The following DNAI1 variants were observed in gnomAD, a reference collection of about 807,000 sequenced individuals.
The protein encoded by DNAI1 is dynein, axonemal, intermediate polypeptide 1.
DNAI1 carries 67 observed loss-of-function variants against 92.0 expected under a neutral mutation model. That is an observed-to-expected ratio of 0.73 (90% confidence interval 0.60 to 0.89). The LOEUF (loss-of-function observed/expected upper bound fraction) is 0.89. DNAI1 is among the 40% of genes least tolerant of loss of function. DNAI1 has a pLI of 0.00. For synonymous variants in DNAI1, 323 were observed against 319.6 expected (o/e 1.01, Z -0.11); for missense variants, 839 against 866.6 (o/e 0.97, Z 0.40).
chr9:34,483,119 C>A (rs1252215630), intron 1 of DNAI1, among the ~76,000 whole-genome samples: 1 of 152,232 alleles, frequency 6.6e-6, no homozygotes, highest in Non-Finnish European at 1.5e-5. Context: ...GCACCGCACT[C>A]AGCCCCGGTT....
chr9:34,492,763 C>A (rs1403819478), intron 8 of DNAI1, among the ~76,000 whole-genome samples: 1 of 151,724 alleles, frequency 6.6e-6, no homozygotes, highest in Non-Finnish European at 1.5e-5. Context: ...TCAAACAATC[C>A]ACCTGCCTCA....
At position 34,491,509 on chromosome 9, in the gene DNAI1, G is replaced by A. The variant is rs758269785; in HGVS notation, c.636G>A (p.Gln212=). 2.6e-5 allele frequency: 42 copies of A among 1,614,100 alleles called. No individual in the cohort carries two copies. Among genetic ancestry groups the A allele is most frequent in the Non-Finnish European group, 3.4e-5 (40 of 1,180,042 alleles). The change falls in exon 8 of 20, where the codon CAG becomes CAA. Residue 212 remains glutamine, a synonymous_variant. Coordinates refer to ENST00000242317, the MANE Select transcript of DNAI1 (RefSeq NM_012144.4). ...TTGTTCTTTAGGATCGAGAATGCCA[G>A]ACGGAGCCTCCTCCCAGGACAAACT... The part of the protein sequence containing the change: ...YNNPVRDREC[Q]TEPPPRTNFS...
rs190178983 is a variant in DNAI1 at position 34,512,784 on chromosome 9, C to T, written c.1490-328C>T. Among the ~76,000 whole-genome samples the T allele has an allele frequency of 1.1e-4, 16 of 152,318 alleles. No homozygotes were observed. In the East Asian group the frequency reaches 2.7e-3, roughly 26 times the overall value. ...AGACTATATCCCTGTTGGCACAGAC[C>T]GTGTCCCTGTTTGCAGACCCTGTCC... On this transcript the variant is annotated intron_variant, in intron 15 of 19. Coordinates refer to ENST00000242317, the MANE Select transcript of DNAI1 (RefSeq NM_012144.4).
rs267602217 is a variant in DNAI1 at position 34,500,830 on chromosome 9, C to T, written c.1010C>T (p.Ala337Val). ...AAAGCCAAGCGCCTGTCCGTCACTGCCCTCTGCTGGTAAGTATAGGCATTG... is the reference window on the plus strand; with the variant it reads ...AAAGCCAAGCGCCTGTCCGTCACTGTCCTCTGCTGGTAAGTATAGGCATTG... ...NDKAKRLSVT[A>V]LCWNPKYRDL... The change falls in exon 11 of 20, where the codon GCC becomes GTC. Residue 337 changes from alanine (A) to valine (V), a missense_variant. Ala to Val is a moderately conservative substitution (Grantham distance 64, BLOSUM62 0). Coordinates refer to ENST00000242317, the MANE Select transcript of DNAI1 (RefSeq NM_012144.4). The T allele has an allele frequency of 1.9e-6, 3 of 1,613,528 alleles. No individual in the cohort carries two copies. Among genetic ancestry groups the T allele is most frequent in the Non-Finnish European group, 2.5e-6 (3 of 1,179,588 alleles).
In DNAI1 at chr9:34,490,324, A is replaced by G. The variant is rs774281231; in HGVS notation, c.502-45A>G. Reference sequence around the variant, plus strand: ...TTGCCCCATCTCCCGGTTTTCTACCACCTTCTCACAGCTGATTCCTGATCC... The same window carrying G: ...TTGCCCCATCTCCCGGTTTTCTACCGCCTTCTCACAGCTGATTCCTGATCC... On this transcript the variant is annotated intron_variant, in intron 6 of 19. Transcript: ENST00000242317. 15 of 1,613,964 alleles carry G rather than the reference A, an allele frequency of 9.3e-6. No individual in the cohort carries two copies. The South Asian group carries it at 1.2e-4, about 13-fold the overall frequency.
Position 34,506,694 on chromosome 9 carries a change from G to A in DNAI1, c.1131G>A (p.Glu377=), listed in dbSNP as rs936989573. The part of the protein sequence containing the change: ...LYSLKNPSFP[E]YMFSSNSGVM... ...GCCTGAAGAACCCCAGCTTCCCTGA[G>A]TACATGTTCAGCAGCAACAGCGGCG... Residue 377 remains glutamate, a synonymous_variant, in exon 13 of 20, where the codon GAG becomes GAA. Coordinates refer to ENST00000242317, the MANE Select transcript of DNAI1 (RefSeq NM_012144.4). 1 of 1,614,234 alleles carries A rather than the reference G, an allele frequency of 6.2e-7. No individual in the cohort carries two copies. Among genetic ancestry groups the A allele is most frequent in the Admixed American group, 1.7e-5 (1 of 60,028 alleles).
chr9:34,460,650 TTATTTTTTATTTTTG>T (rs1281838215), intron 1 of DNAI1, among the ~76,000 whole-genome samples: 193 of 152,194 alleles, frequency 1.3e-3, no homozygotes, highest in African/African-American at 4.3e-3. Flanking sequence ...TTGCTTTTAT[TTATTTTTTATTTTTG>T]TATTTTTTAT....
At chr9:34,488,668 G>A (rs1474807445) in intron 4 of DNAI1, 5 of 156,042 alleles carry the variant, frequency 3.2e-5, no homozygotes, top group Non-Finnish European at 7.1e-5. Context: ...TGAAATAAGG[G>A]ATTGTGTCTA....
rs1317000391 is a variant in DNAI1 at position 34,491,486 on chromosome 9, G to C, written c.622-9G>C. 1 of 1,614,164 alleles carries C rather than the reference G, an allele frequency of 6.2e-7. No individual in the cohort carries two copies. Among genetic ancestry groups the C allele is most frequent in the Non-Finnish European group, 8.5e-7 (1 of 1,180,030 alleles). On this transcript the variant is annotated splice_polypyrimidine_tract_variant and intron_variant, in intron 7 of 19. Coordinates refer to ENST00000242317, the MANE Select transcript of DNAI1 (RefSeq NM_012144.4). ...CTTTTTGTGGGTCTCCTGTTGTCTTGTTCTTTAGGATCGAGAATGCCAGAC... is the reference window on the plus strand; with the variant it reads ...CTTTTTGTGGGTCTCCTGTTGTCTTCTTCTTTAGGATCGAGAATGCCAGAC...
At chr9:34,514,241 G>A (rs1825127692) in intron 16 of DNAI1, among the ~76,000 whole-genome samples, 153 bp from the exon 17 acceptor site, 1 of 152,172 alleles carries the variant, frequency 6.6e-6, no homozygotes, top group African/African-American at 2.4e-5. Flanking sequence ...TGTGCTGAGG[G>A]TGGGAAGGGC....
chr9:34,473,688 ATTGGTTGG>A (rs369367980), intron 1 of DNAI1, among the ~76,000 whole-genome samples: 69 of 151,882 alleles, frequency 4.5e-4, no homozygotes, highest in Non-Finnish European at 8.1e-4. Context: ...AATACAATAT[ATTGGTTGG>A]TTGGTTGGTT....
chr9:34,485,220 C>T lies in DNAI1; in HGVS notation c.160C>T (p.Gln54Ter). The T allele has an allele frequency of 6.2e-7, 1 of 1,614,172 alleles. No homozygotes were observed. The highest frequency in any genetic ancestry group is 8.5e-7 in the Non-Finnish European group (1 of 1,180,040). Residue 54 changes from glutamine (Q) to a stop codon, truncating the protein, a stop_gained, in exon 3 of 20, where the codon CAG becomes TAG. Coordinates refer to ENST00000242317, the MANE Select transcript of DNAI1 (RefSeq NM_012144.4). LOFTEE classifies it high-confidence loss of function. ...CAAAGCCACAGTTAGACCCCCTGACCAGCTGGAGTTGACCGATGCGGTGAG... is the reference window on the plus strand; with the variant it reads ...CAAAGCCACAGTTAGACCCCCTGACTAGCTGGAGTTGACCGATGCGGTGAG... The part of the protein sequence containing the change: ...QSKATVRPPD[Q>*]LELTDAELKE...
At chr9:34,494,658 T>C (rs1482400303) in intron 9 of DNAI1, among the ~76,000 whole-genome samples, 2 of 152,228 alleles carry the variant, frequency 1.3e-5, no homozygotes, top group Non-Finnish European at 2.9e-5. Flanking sequence ...CTGTGTCTTC[T>C]AAGCCTTGCA....
chr9:34,493,244 C>G lies in DNAI1; in HGVS notation c.732C>G (p.Thr244=), dbSNP rs947504661. ...YVEELEKQEK[T]KEKEKAKTPV... ...AGGAACTTGAGAAGCAGGAAAAGAC[C>G]AAAGAGAAGGAGAAGGCAAAGACCC... is the stretch of plus-strand genomic sequence containing the variant. The change falls in exon 9 of 20, where the codon ACC becomes ACG. Residue 244 remains threonine (T), a synonymous_variant. Coordinates refer to ENST00000242317, the MANE Select transcript of DNAI1 (RefSeq NM_012144.4). 1 of 1,614,038 alleles carries G rather than the reference C, an allele frequency of 6.2e-7. No homozygotes were observed. Among genetic ancestry groups the G allele is most frequent in the South Asian group, 1.1e-5 (1 of 91,066 alleles).
intron 10 of DNAI1, among the ~76,000 whole-genome samples, chr9:34,498,552 G>T (rs1333487064): frequency 6.6e-6 from 1 of 152,272 alleles, no homozygotes; most frequent in Non-Finnish European, 1.5e-5. Context: ...GATTGATTCA[G>T]AAATGCTTAA....
chr9:34,513,049 G>A, intron 15 of DNAI1, 63 bp from the exon 16 acceptor site: 1 of 1,306,418 alleles, frequency 7.7e-7, no homozygotes, highest in Non-Finnish European at 1.1e-6. Context: ...TGCTGAGTAG[G>A]GGAGGCACTG....
At chr9:34,513,896 GA>G (rs149347906) in intron 16 of DNAI1, among the ~76,000 whole-genome samples, 19,542 of 152,182 alleles carry the variant, frequency 0.13, 1,443 homozygotes, top group South Asian at 0.16. Context: ...GCAAAAAACT[GA>G]ATAGGAAAGC....
Position 34,474,865 on chromosome 9 carries a change from C to G in DNAI1, c.49-8583C>G, listed in dbSNP as rs527458695. 3.8e-4 allele frequency among the ~76,000 whole-genome samples: 58 copies of G among 152,212 alleles called. No homozygotes were observed. The South Asian group carries it at 0.012, about 32-fold the overall frequency. ...TACAGGTGTGAGCCACCGTGTCCGGCAAGGTGTGAATATTTCTATCAGAAA... is the reference window on the plus strand; with the variant it reads ...TACAGGTGTGAGCCACCGTGTCCGGGAAGGTGTGAATATTTCTATCAGAAA... On this transcript the variant is annotated intron_variant, in intron 1 of 19. Coordinates refer to ENST00000242317, the MANE Select transcript of DNAI1 (RefSeq NM_012144.4).
At chr9:34,482,666 C>T (rs996937003) in intron 1 of DNAI1, among the ~76,000 whole-genome samples, 5 of 152,268 alleles carry the variant, frequency 3.3e-5, no homozygotes, top group African/African-American at 9.6e-5. Flanking sequence ...AGACTCTCCA[C>T]GTCCCCACCA....
Sources: allele counts gnomAD v4.1 joint callset (sites outside exome capture counted in the v4.1 genomes callset), GRCh38; gene constraint gnomAD v4.1.1; transcripts MANE v1.5; gene names NCBI Gene and HGNC (gene_info 2026-07-23, HGNC 2026-07-21).